The following DCC variants were observed in gnomAD, a reference collection of about 807,000 sequenced individuals.
The protein encoded by DCC is netrin receptor DCC.
Under a neutral mutation model 172.5 loss-of-function variants are expected in DCC, and 58 were observed. The ratio of observed to expected loss-of-function variants is 0.34; its 90% confidence interval spans 0.27 to 0.42. The LOEUF is 0.42. DCC is among the 10% of genes least tolerant of loss of function. The pLI is 1.00. For missense variants in DCC, 1,740 were observed against 1,791.0 expected (o/e 0.97, Z 0.51); for synonymous variants, 709 against 644.5 (o/e 1.10, Z -1.52).
intron 7 of DCC, among the ~76,000 whole-genome samples, chr18:53,073,388 G>A (rs1168202519): frequency 1.3e-5 from 2 of 152,182 alleles, no homozygotes; most frequent in East Asian, 3.9e-4. Context: ...AGCCGGGCGT[G>A]GTGGCGGGTG....
intron 1 of DCC, among the ~76,000 whole-genome samples, chr18:52,558,278 AATAC>A (rs1243161983): frequency 6.6e-6 from 1 of 151,732 alleles, no homozygotes; most frequent in African/African-American, 2.4e-5. Flanking sequence ...TTATTATGAT[AATAC>A]ATTTATTACT....
chr18:52,340,913 C>T, intron 1 of DCC, 35 bp downstream of exon 1: 2 of 1,442,090 alleles, frequency 1.4e-6, no homozygotes, highest in South Asian at 1.1e-5. Context: ...CGTCGCACCC[C>T]CTTCCGTACC....
chr18:52,826,242 C>T (rs1474355057), intron 2 of DCC, among the ~76,000 whole-genome samples: 3 of 152,080 alleles, frequency 2.0e-5, no homozygotes, highest in African/African-American at 7.2e-5. Context: ...TATTTTTCTG[C>T]CCAAAGGATT....
intron 1 of DCC, among the ~76,000 whole-genome samples, chr18:52,492,602 A>C (rs535588625): frequency 6.6e-6 from 1 of 152,090 alleles, no homozygotes; most frequent in South Asian, 2.1e-4. Flanking sequence ...AGGAACTATA[A>C]GAAAAATAGG....
intron 2 of DCC, among the ~76,000 whole-genome samples, chr18:52,904,167 A>C (rs1318178948): frequency 6.6e-6 from 1 of 152,216 alleles, no homozygotes; most frequent in Non-Finnish European, 1.5e-5. Flanking sequence ...TGAGGGATAA[A>C]TTAATATTTG....
At chr18:52,717,792 G>T (rs2036409716) in intron 1 of DCC, among the ~76,000 whole-genome samples, 1 of 152,080 alleles carries the variant, frequency 6.6e-6, no homozygotes, top group Admixed American at 6.5e-5. Context: ...GATGTAAATG[G>T]TTGCCAAATC....
chr18:53,061,735 G>A (rs1365029552), intron 5 of DCC, among the ~76,000 whole-genome samples: 3 of 152,086 alleles, frequency 2.0e-5, no homozygotes, highest in Non-Finnish European at 4.4e-5. Flanking sequence ...TACAAGCTGT[G>A]TAATTTGGGG....
intron 12 of DCC, among the ~76,000 whole-genome samples, chr18:53,255,980 T>C (rs1456022651): frequency 6.6e-6 from 1 of 152,250 alleles, no homozygotes; most frequent in Non-Finnish European, 1.5e-5. Flanking sequence ...TGAGCATTTT[T>C]TCATGTGTCT....
chr18:52,511,101 G>A (rs2031421949), intron 1 of DCC, among the ~76,000 whole-genome samples: 1 of 152,022 alleles, frequency 6.6e-6, no homozygotes, highest in Admixed American at 6.5e-5. Context: ...CTAACATGGT[G>A]AAACCCCGTC....
At chr18:52,515,606 C>CAAAAAAAATAAAAA (rs2031605745) in intron 1 of DCC, among the ~76,000 whole-genome samples, 1 of 10,316 alleles carries the variant, frequency 9.7e-5, no homozygotes, top group Non-Finnish European at 2.5e-4. Context: ...AACCCTGTCT[C>CAAAAAAAATAAAAA]AAAAAAAAAA....
At chr18:53,441,540 C>T (rs1017995279) in intron 22 of DCC, among the ~76,000 whole-genome samples, 2 of 152,110 alleles carry the variant, frequency 1.3e-5, no homozygotes, top group Non-Finnish European at 2.9e-5. Context: ...TCCCTTTCAC[C>T]CTTTCCCTCA....
chr18:52,916,832 TAACAG>T (rs1217540421), intron 3 of DCC, among the ~76,000 whole-genome samples: 2 of 152,120 alleles, frequency 1.3e-5, no homozygotes, highest in Non-Finnish European at 2.9e-5. Context: ...CAAAACAACA[TAACAG>T]AACAATGTCA....
intron 1 of DCC, among the ~76,000 whole-genome samples, chr18:52,376,449 G>A (rs1985349952): frequency 6.6e-6 from 1 of 151,880 alleles, no homozygotes; most frequent in Non-Finnish European, 1.5e-5. Flanking sequence ...AGAAAGAATA[G>A]ACTTGAATTT....
chr18:52,734,009 TA>T (rs1276502199), intron 1 of DCC, among the ~76,000 whole-genome samples: 1 of 152,124 alleles, frequency 6.6e-6, no homozygotes, highest in African/African-American at 2.4e-5. Flanking sequence ...CACTACCAGA[TA>T]AAAATAAATA....
At chr18:53,282,846 G>T (rs1014100445) in intron 12 of DCC, among the ~76,000 whole-genome samples, 1 of 152,040 alleles carries the variant, frequency 6.6e-6, no homozygotes, top group Non-Finnish European at 1.5e-5. Context: ...GAATGCCATT[G>T]GGTACCAAAT....
chr18:52,972,388 T>A (rs2041044015), intron 5 of DCC, among the ~76,000 whole-genome samples: 1 of 152,178 alleles, frequency 6.6e-6, no homozygotes, highest in African/African-American at 2.4e-5. Flanking sequence ...AAATTGCTGT[T>A]CTGTTTTAGA....
intron 1 of DCC, among the ~76,000 whole-genome samples, chr18:52,560,444 T>A (rs2033010567): frequency 6.6e-6 from 1 of 152,242 alleles, no homozygotes; most frequent in Non-Finnish European, 1.5e-5. Flanking sequence ...TGTGCTGCTC[T>A]CTGGTTAAAC....
chr18:52,675,393 C>CTAGA (rs1288073161), intron 1 of DCC, among the ~76,000 whole-genome samples: 1 of 152,130 alleles, frequency 6.6e-6, no homozygotes, highest in Admixed American at 6.6e-5. Context: ...CAATTGTCAA[C>CTAGA]TAGAAAATTT....
At chr18:53,076,771 A>G (rs113159911) in intron 7 of DCC, among the ~76,000 whole-genome samples, 2,611 of 152,214 alleles carry the variant, frequency 0.017, 69 homozygotes, top group African/African-American at 0.059. Flanking sequence ...TAAATATGTC[A>G]CCCAGAGACT....
Sources: gnomAD v4.1 joint callset for allele counts (sites outside exome capture counted in the v4.1 genomes callset) on GRCh38, gnomAD v4.1.1 for gene constraint, MANE v1.5 for transcripts, NCBI Gene and HGNC (gene_info 2026-07-23, HGNC 2026-07-21) for gene names.